The following IQSEC2 variants were observed in gnomAD, a reference collection of about 807,000 sequenced individuals.
The protein encoded by IQSEC2 is IQ motif and Sec7 domain ArfGEF 2.
Under a neutral mutation model 74.6 loss-of-function variants are expected in IQSEC2, and 6 were observed. That is an observed-to-expected ratio of 0.08 (90% CI 0.04 to 0.16). IQSEC2 has a LOEUF of 0.16. Among genes scored for constraint, IQSEC2 ranks in the 10% least tolerant of loss-of-function variants. IQSEC2 has a pLI of 1.00. For missense variants in IQSEC2, 734 were observed against 1,306.2 expected, an observed-to-expected ratio of 0.56 and a Z score of 6.75; for synonymous variants, 494 against 544.5, an observed-to-expected ratio of 0.91 and a Z score of 1.29.
downstream of IQSEC2, chrX:53,229,314 C>A (rs1373087048): frequency 9.0e-6 from 1 of 111,441 alleles, no homozygotes; most frequent in Non-Finnish European, 1.9e-5. Flanking sequence ...TTATATATAA[C>A]CCATTGAGTA....
At chrX:53,292,279 G>A (rs1259108108) in intron 1 of IQSEC2, among the ~76,000 whole-genome samples, 1 of 111,789 alleles carries the variant, frequency 8.9e-6, no homozygotes, top group Non-Finnish European at 1.9e-5. Flanking sequence ...CGTGGGCAGG[G>A]GCAAAGCCCA....
chrX:53,251,304 G>A, intron 4 of IQSEC2, 130 bp from the exon 5 acceptor site: 1 of 688,480 alleles, frequency 1.5e-6, no homozygotes. Context: ...AGGTCAGCAA[G>A]GAGGGTGGAT....
intron 2 of IQSEC2, among the ~76,000 whole-genome samples, chrX:53,278,003 C>CTTTTTTTT (rs36027805): frequency 1.2e-3 from 46 of 37,570 alleles, no homozygotes; most frequent in African/African-American, 3.8e-3. Context: ...TTTTCTTTTT[C>CTTTTTTTT]TTTTTTTTTT....
chrX:53,272,818 G>A (rs782039190), intron 2 of IQSEC2, among the ~76,000 whole-genome samples: 1 of 111,902 alleles, frequency 8.9e-6, no homozygotes, highest in South Asian at 3.8e-4. Context: ...GCTATGGTCA[G>A]GCCCATTCTT....
intron 1 of IQSEC2, among the ~76,000 whole-genome samples, chrX:53,301,819 G>A (rs1282601459): frequency 8.9e-6 from 1 of 112,217 alleles, no homozygotes; most frequent in East Asian, 2.8e-4. Flanking sequence ...CACAGATCTG[G>A]GTTCAAATCC....
intron 1 of IQSEC2, among the ~76,000 whole-genome samples, chrX:53,293,601 C>T (rs1264217554): frequency 8.9e-6 from 1 of 111,770 alleles, no homozygotes; most frequent in African/African-American, 3.3e-5. Context: ...TGAGGCCAAG[C>T]CTCTCAGCCT....
chrX:53,320,752 C>T lies in IQSEC2; in HGVS notation c.372G>A (p.Gln124=). 8.6e-7 allele frequency: 1 copy of T among 1,167,378 alleles called. No homozygotes were observed. The highest frequency in any genetic ancestry group is 1.1e-6 in the Non-Finnish European group (1 of 872,677). ...VGYPNREGAY[Q]NREAVYRDKE... ...TGTCCCGATACACAGCCTCCCGATT[C>T]TGGTAGGCGCCTTCCCGGTTCGGGT... The change falls in exon 1 of 15, where the codon CAG becomes CAA. Residue 124 remains glutamine, a synonymous_variant. Coordinates refer to ENST00000642864, the MANE Select transcript of IQSEC2 (RefSeq NM_001111125.3).
chrX:53,304,740 G>C (rs1286615098), intron 1 of IQSEC2, among the ~76,000 whole-genome samples: 8 of 111,194 alleles, frequency 7.2e-5, no homozygotes, highest in Non-Finnish European at 1.1e-4. Flanking sequence ...GATCCAAGGA[G>C]TGATGAGGTC....
At chrX:53,287,313 TAG>T (rs782503087) in intron 2 of IQSEC2, among the ~76,000 whole-genome samples, 4 of 112,124 alleles carry the variant, frequency 3.6e-5, no homozygotes, top group Non-Finnish European at 7.5e-5. Context: ...AACACTTAGG[TAG>T]AGAGGGGTGA....
At chrX:53,302,171 T>C (rs1305961265) in intron 1 of IQSEC2, among the ~76,000 whole-genome samples, 1 of 112,719 alleles carries the variant, frequency 8.9e-6, no homozygotes, top group Non-Finnish European at 1.9e-5. Context: ...TGCTTAATAA[T>C]GGTTGTGCAA....
At chrX:53,253,585 T>C (rs2074422159) in intron 4 of IQSEC2, among the ~76,000 whole-genome samples, 1 of 112,343 alleles carries the variant, frequency 8.9e-6, no homozygotes, top group Non-Finnish European at 1.9e-5. Context: ...CCAGCTCCAA[T>C]GCTGTTTTCT....
chrX:53,247,721 G>A (rs1324104117), intron 7 of IQSEC2, among the ~76,000 whole-genome samples: 1 of 111,933 alleles, frequency 8.9e-6, no homozygotes, highest in Non-Finnish European at 1.9e-5. Flanking sequence ...TATGAGCCTG[G>A]GCAAGTTACT....
downstream of IQSEC2, among the ~76,000 whole-genome samples, chrX:53,232,301 G>A (rs1397600695): frequency 1.8e-5 from 2 of 111,670 alleles, no homozygotes; most frequent in Admixed American, 9.5e-5. Context: ...CTCTTAAAAT[G>A]TATCTAGCCC....
intron 2 of IQSEC2, chrX:53,279,462 C>A: frequency 2.0e-6 from 1 of 501,407 alleles, no homozygotes; most frequent in Non-Finnish European, 3.5e-6. Flanking sequence ...ACCCATTCCA[C>A]AGGCACAGCA....
chrX:53,239,266 A>ATCT lies in IQSEC2; in HGVS notation c.3041_3043dup (p.Lys1014dup). ...CTGACGGAAACTGTACGTCACCAAG[A>ATCT]TCTTCTTCTTCTGGAAAATTTTGGT... is the stretch of plus-strand genomic sequence containing the variant. On this transcript the variant is annotated inframe_insertion, in exon 11 of 15. Coordinates refer to ENST00000642864, the MANE Select transcript of IQSEC2 (RefSeq NM_001111125.3). The ATCT allele has an allele frequency of 1.7e-6, 2 of 1,209,274 alleles. No individual in the cohort carries two copies. The highest frequency in any genetic ancestry group is 2.2e-6 in the Non-Finnish European group (2 of 893,710).
chrX:53,271,426 T>G (rs782306539), intron 2 of IQSEC2, among the ~76,000 whole-genome samples: 1 of 111,631 alleles, frequency 9.0e-6, no homozygotes, highest in Admixed American at 9.5e-5. Context: ...CTTTTCCCCT[T>G]GCACTATCAC....
At position 53,280,323 on chromosome X, in the gene IQSEC2, T is replaced by C. The variant is rs1181971375; in HGVS notation, c.737+11572A>G. Reference sequence around the variant, plus strand: ...AAAGAAGGGGGAGAACCCAGGTGGGTGGGTAAGGGGAACACTGAAGGAAGA... The same window carrying C: ...AAAGAAGGGGGAGAACCCAGGTGGGCGGGTAAGGGGAACACTGAAGGAAGA... On this transcript the variant is annotated intron_variant, in intron 2 of 14. Coordinates refer to ENST00000642864, the MANE Select transcript of IQSEC2 (RefSeq NM_001111125.3). 4.8e-5 allele frequency among the ~76,000 whole-genome samples: 5 copies of C among 104,126 alleles called. 1 individual carries two copies. The highest frequency in any genetic ancestry group is 9.9e-5 in the Non-Finnish European group (5 of 50,476). 90.4% of individuals were successfully genotyped at this position (104,126 alleles called of 115,157 possible). A position where few individuals can be genotyped will look rare whatever the true frequency, so the allele number is the denominator to read the frequency against.
In IQSEC2 at chrX:53,321,142, G is replaced by C; in HGVS notation, c.-19C>G. On this transcript the variant is annotated 5_prime_UTR_variant, in exon 1 of 15. Coordinates refer to ENST00000642864, the MANE Select transcript of IQSEC2 (RefSeq NM_001111125.3). ...CCTCCATCCTGGCGGCCCAGGGGCAGGGGAACGGGCAGGAGAGCCCTGTCC... is the reference window on the plus strand; with the variant it reads ...CCTCCATCCTGGCGGCCCAGGGGCACGGGAACGGGCAGGAGAGCCCTGTCC... The C allele has an allele frequency of 9.7e-7, 1 of 1,026,201 alleles. No individual in the cohort carries two copies. The highest frequency in any genetic ancestry group is 1.3e-6 in the Non-Finnish European group (1 of 756,751). 84.6% of individuals were successfully genotyped at this position (1,026,201 alleles called of 1,213,427 possible). A position where few individuals can be genotyped will look rare whatever the true frequency, so the allele number is the denominator to read the frequency against.
chrX:53,285,765 G>T (rs1414668813), intron 2 of IQSEC2, among the ~76,000 whole-genome samples: 1 of 112,580 alleles, frequency 8.9e-6, no homozygotes, highest in Non-Finnish European at 1.9e-5. Flanking sequence ...CCAGGCCAGA[G>T]TCAGGAGGCC....
Sources: gnomAD v4.1 joint callset for allele counts (sites outside exome capture counted in the v4.1 genomes callset) on GRCh38, gnomAD v4.1.1 for gene constraint, MANE v1.5 for transcripts, NCBI Gene and HGNC (gene_info 2026-07-23, HGNC 2026-07-21) for gene names.